Variants in OPN4 observed in about 807,000 individuals in gnomAD.
OPN4 encodes opsin 4.
A neutral mutation model predicts 49.5 loss-of-function variants in OPN4; 43 were observed. That is an observed-to-expected ratio of 0.87 (90% CI 0.68 to 1.12). OPN4 has a LOEUF of 1.12. Among genes scored for constraint, OPN4 ranks in the 50% most tolerant of loss-of-function variants. OPN4 has a pLI of 0.00. For synonymous variants in OPN4, 263 were observed against 258.0 expected (o/e 1.02, Z -0.19); for missense variants, 657 against 643.9 (o/e 1.02, Z -0.22).
intron 9 of OPN4, among the ~76,000 whole-genome samples, chr10:86,664,762 C>T (rs1162906424): frequency 6.6e-6 from 1 of 152,184 alleles, no homozygotes; most frequent in Non-Finnish European, 1.5e-5. Flanking sequence ...GGGCCCCGCA[C>T]CCTGTCCTGG....
rs1352315805 is a variant in OPN4 at position 86,659,939 on chromosome 10, TGTGGCA to T, written c.847_852del (p.Trp283_Gln284del). On this transcript the variant is annotated inframe_deletion, in exon 6 of 10. Coordinates refer to ENST00000241891, the MANE Select transcript of OPN4 (RefSeq NM_033282.4). ...GCCTGCAAGGGCAATGGCGAGTCCC[TGTGGCA>T]GCGGCAGCGGCTGCAGAGCGAGTGC... 1 of 1,614,168 alleles carries T rather than the reference TGTGGCA, an allele frequency of 6.2e-7. No individual in the cohort carries two copies. The highest frequency in any genetic ancestry group is 8.5e-7 in the Non-Finnish European group (1 of 1,180,006).
At chr10:86,663,982 G>C in intron 9 of OPN4, 180 bp downstream of exon 9, 1 of 692,530 alleles carries the variant, frequency 1.4e-6, no homozygotes, top group Non-Finnish European at 2.4e-6. Context: ...GTGACTCTGA[G>C]ATGCTCTGAG....
rs766327634 is a variant in OPN4, at chr10:86,658,587, G to A, written c.528G>A (p.Leu176=). ...GCTACCTGGTAATCACACGCCCGCTGGCCACCTTTGGTGTGGCGTCCAAGA... is the reference window on the plus strand; with the variant it reads ...GCTACCTGGTAATCACACGCCCGCTAGCCACCTTTGGTGTGGCGTCCAAGA... ...LDRYLVITRP[L]ATFGVASKRR... Residue 176 remains leucine, a synonymous_variant, in exon 4 of 10, where the codon CTG becomes CTA. Coordinates refer to ENST00000241891, the MANE Select transcript of OPN4 (RefSeq NM_033282.4). 7.4e-6 allele frequency: 12 copies of A among 1,614,190 alleles called. No homozygotes were observed. Among genetic ancestry groups the A allele is most frequent in the South Asian group, 4.4e-5 (4 of 91,088 alleles).
chr10:86,662,018 C>T (rs1284111955), intron 7 of OPN4, among the ~76,000 whole-genome samples: 1 of 152,132 alleles, frequency 6.6e-6, no homozygotes, highest in Non-Finnish European at 1.5e-5. Context: ...TGCATGCCTA[C>T]CACCCAGAAT....
intron 2 of OPN4, among the ~76,000 whole-genome samples, chr10:86,657,420 C>T (rs545249505): frequency 1.3e-5 from 2 of 152,160 alleles, no homozygotes; most frequent in Admixed American, 1.3e-4. Flanking sequence ...CCGTGGTGCA[C>T]AGCCATCAGC....
chr10:86,657,775 T>G (rs189394615), intron 2 of OPN4, among the ~76,000 whole-genome samples: 1 of 152,052 alleles, frequency 6.6e-6, no homozygotes, highest in Non-Finnish European at 1.5e-5. Context: ...AACTGCCCCC[T>G]GCTTCTCTCT....
At chr10:86,661,831 T>C (rs1844015578) in intron 7 of OPN4, among the ~76,000 whole-genome samples, 1 of 152,108 alleles carries the variant, frequency 6.6e-6, no homozygotes, top group Admixed American at 6.5e-5. Flanking sequence ...AGGCTGCTTC[T>C]CCCTTAGTGC....
Position 86,662,298 on chromosome 10 carries a change from G to A in OPN4, c.1120G>A (p.Val374Ile), listed in dbSNP as rs754323933. ...HLPCLGVLLG[V>I]SRRHSRPYPS... ...GCCCTGCCTGGGGGTGCTGCTGGGTGTATCACGCCGGCACAGTCGCCCCTA... is the reference window on the plus strand; with the variant it reads ...GCCCTGCCTGGGGGTGCTGCTGGGTATATCACGCCGGCACAGTCGCCCCTA... The change falls in exon 8 of 10, where the codon GTA (valine) becomes ATA (isoleucine). Residue 374 changes from valine (V) to isoleucine (I), a missense_variant. By Grantham distance (29) the Val-to-Ile change is conservative. Transcript: ENST00000241891. 2 of 1,608,920 alleles carry A rather than the reference G, an allele frequency of 1.2e-6. No individual in the cohort carries two copies. Among genetic ancestry groups the A allele is most frequent in the Non-Finnish European group, 1.7e-6 (2 of 1,179,060 alleles).
intron 6 of OPN4, among the ~76,000 whole-genome samples, chr10:86,660,876 C>T (rs1409445968): frequency 6.6e-6 from 1 of 152,216 alleles, no homozygotes; most frequent in Non-Finnish European, 1.5e-5. Flanking sequence ...CCTGTAATCC[C>T]AGCACTTTGG....
At position 86,659,368 on chromosome 10, in the gene OPN4, G is replaced by T. The variant is rs779399716; in HGVS notation, c.700G>T (p.Ala234Ser). ...DYMSFTPAVR[A>S]YTMLLCCFVF... The stretch of plus-strand genomic sequence containing the variant: ...CATGAGCTTCACGCCGGCCGTGCGT[G>T]CCTACACCATGCTTCTCTGCTGCTT... The change falls in exon 5 of 10, where the codon GCC (alanine) becomes TCC (serine). Residue 234 changes from alanine to serine, a missense_variant. Coordinates refer to ENST00000241891, the MANE Select transcript of OPN4 (RefSeq NM_033282.4). 1 of 1,613,992 alleles carries T rather than the reference G, an allele frequency of 6.2e-7. No individual in the cohort carries two copies. The highest frequency in any genetic ancestry group is 2.2e-5 in the East Asian group (1 of 44,876).
At chr10:86,654,973 C>T (rs1843831966) in intron 1 of OPN4, 46 bp downstream of exon 1, 1 of 1,578,624 alleles carries the variant, frequency 6.3e-7, no homozygotes, top group African/African-American at 1.3e-5. Context: ...TCCCTGACCC[C>T]TTCCTGGTCC....
intron 4 of OPN4, among the ~76,000 whole-genome samples, 153 bp from the exon 5 acceptor site, chr10:86,659,144 C>T (rs1843939944): frequency 6.6e-6 from 1 of 152,174 alleles, no homozygotes; most frequent in Non-Finnish European, 1.5e-5. Flanking sequence ...GCAGGCCATC[C>T]CAGTTCCCTC....
rs576858032 is a variant in OPN4 at position 86,659,465 on chromosome 10, G to A, written c.797G>A (p.Gly266Glu). The change falls in exon 5 of 10, where the codon GGA becomes GAA. Residue 266 changes from glycine (G) to glutamate (E), a missense_variant. By Grantham distance (98) the Gly-to-Glu change is moderately conservative. Coordinates refer to ENST00000241891, the MANE Select transcript of OPN4 (RefSeq NM_033282.4). ...IFIFRAIRET[G>E]RALQTFGACK... is the part of the protein sequence containing the mutation. The stretch of plus-strand genomic sequence containing the variant: ...ATCTTCAGGGCCATCCGGGAGACAG[G>A]ACGGTAAGAGCCGAGCATGGAGGGG... 6.2e-7 allele frequency: 1 copy of A among 1,613,728 alleles called. No homozygotes were observed. The highest frequency in any genetic ancestry group is 1.3e-5 in the African/African-American group (1 of 75,064).
Position 86,658,497 on chromosome 10 carries a change from T to C in OPN4, c.438T>C (p.Tyr146=), listed in dbSNP as rs1336267456. The C allele has an allele frequency of 6.2e-7, 1 of 1,614,196 alleles. No homozygotes were observed. Among genetic ancestry groups the C allele is most frequent in the South Asian group, 1.1e-5 (1 of 91,084 alleles). The change falls in exon 4 of 10, where the codon TAT becomes TAC. Residue 146 remains tyrosine (Y), a synonymous_variant. Coordinates refer to ENST00000241891, the MANE Select transcript of OPN4 (RefSeq NM_033282.4). ...CTGTGCCCACAGGCTGCGAGTTCTA[T>C]GCCTTCTGTGGAGCTCTCTTTGGCA... ...WLFGETGCEF[Y]AFCGALFGIS...
At position 86,656,184 on chromosome 10, in the gene OPN4, C is replaced by A. The variant is rs1277802709; in HGVS notation, c.174C>A (p.Val58=). Reference sequence around the variant, plus strand: ...CTGGGACTTGGGCTGCTGCCTGGGTCCCCCTCCCCACGGTTGATGTTCCAG... The same window carrying A: ...CTGGGACTTGGGCTGCTGCCTGGGTACCCCTCCCCACGGTTGATGTTCCAG... ...TAPGTWAAAW[V]PLPTVDVPDH... Residue 58 remains valine (V), a synonymous_variant, in exon 2 of 10, where the codon GTC becomes GTA. Coordinates refer to ENST00000241891, the MANE Select transcript of OPN4 (RefSeq NM_033282.4). 1 of 1,614,194 alleles carries A rather than the reference C, an allele frequency of 6.2e-7. No individual in the cohort carries two copies. Among genetic ancestry groups the A allele is most frequent in the South Asian group, 1.1e-5 (1 of 91,078 alleles).
At position 86,665,800 on chromosome 10, in the gene OPN4, C is replaced by G. The variant is rs371009506; in HGVS notation, c.*49C>G. On this transcript the variant is annotated 3_prime_UTR_variant, in exon 10 of 10. Transcript: ENST00000241891. ...TTCTGAGACACATCCAGCCCCCCCA[C>G]GTCTCCCTCATATACACAGACCCAG... 20 of 1,432,410 alleles carry G rather than the reference C, an allele frequency of 1.4e-5. No individual in the cohort carries two copies. Among genetic ancestry groups the G allele is most frequent in the Admixed American group, 8.5e-5 (5 of 59,122 alleles). The allele number at this position is 1,432,410 out of a possible 1,614,324, so 88.7% of individuals were successfully genotyped here. A position where few individuals can be genotyped will look rare whatever the true frequency, so the allele number is the denominator to read the frequency against.
Position 86,659,289 on chromosome 10 carries a change from G to C in OPN4, c.629-8G>C. On this transcript the variant is annotated splice_polypyrimidine_tract_variant and splice_region_variant and intron_variant, in intron 4 of 9. Transcript: ENST00000241891. ...CCCCAAAGGCTGAGCACCTGCCCTGGCTCCCAGGCGCCTACGTGCCCGAGG... is the reference window on the plus strand; with the variant it reads ...CCCCAAAGGCTGAGCACCTGCCCTGCCTCCCAGGCGCCTACGTGCCCGAGG... The C allele has an allele frequency of 6.2e-7, 1 of 1,608,188 alleles. No individual in the cohort carries two copies. Among genetic ancestry groups the C allele is most frequent in the Non-Finnish European group, 8.5e-7 (1 of 1,178,464 alleles).
In OPN4 at chr10:86,662,548, G is replaced by A. The variant is rs901276200; in HGVS notation, c.1254+116G>A. ...GCTGCCTCTGAGACTCAGGGACACT[G>A]AGGACGCTGGCACCCTGGCAGGAAG... On this transcript the variant is annotated intron_variant, in intron 8 of 9. Coordinates refer to ENST00000241891, the MANE Select transcript of OPN4 (RefSeq NM_033282.4). The A allele has an allele frequency of 3.3e-5, 33 of 988,558 alleles. No individual in the cohort carries two copies. In the African/African-American group the frequency reaches 4.6e-4, roughly 14 times the overall value. The allele number at this position is 988,558 out of a possible 1,614,324, so 61.2% of individuals were successfully genotyped here.
At chr10:86,655,053 GC>G in intron 1 of OPN4, 126 bp downstream of exon 1, 1 of 984,572 alleles carries the variant, frequency 1.0e-6, no homozygotes, top group Admixed American at 2.6e-5. Flanking sequence ...GGGGCCTTGA[GC>G]CATTACTGGA....
Sources: allele counts gnomAD v4.1 joint callset (sites outside exome capture counted in the v4.1 genomes callset), GRCh38; gene constraint gnomAD v4.1.1; transcripts MANE v1.5; gene names NCBI Gene and HGNC (gene_info 2026-07-23, HGNC 2026-07-21).